Variants in FAM98A observed in about 807,000 individuals in gnomAD.
FAM98A encodes tRNA splicing ligase complex subunit 3A, also known as protein FAM98A.
Under a neutral mutation model 62.9 loss-of-function variants are expected in FAM98A, and 25 were observed. The observed-to-expected ratio is 0.40, with a 90% CI of 0.29 to 0.56. The LOEUF is 0.56. Ranked by LOEUF, FAM98A falls within the 20% of genes least tolerant of loss-of-function variation. FAM98A has a pLI of 0.51. For synonymous variants in FAM98A, 252 were observed against 228.6 expected, an observed-to-expected ratio of 1.10 and a Z score of -0.92; for missense variants, 653 against 640.7, an observed-to-expected ratio of 1.02 and a Z score of -0.21.
At chr2:33,586,359 G>C (rs1026081724) in intron 6 of FAM98A, among the ~76,000 whole-genome samples, 2 of 152,124 alleles carry the variant, frequency 1.3e-5, no homozygotes, top group African/African-American at 4.8e-5. Context: ...ATTCAGATTT[G>C]TTAAAAAATA....
At chr2:33,598,077 T>C (rs1328476165) in intron 1 of FAM98A, among the ~76,000 whole-genome samples, 1 of 152,214 alleles carries the variant, frequency 6.6e-6, no homozygotes, top group East Asian at 1.9e-4. Flanking sequence ...CAATAGTATT[T>C]CACTGTGACA....
intron 5 of FAM98A, 125 bp from the exon 6 acceptor site, chr2:33,586,803 T>C: frequency 1.6e-6 from 1 of 636,544 alleles, no homozygotes; most frequent in Non-Finnish European, 2.8e-6. Context: ...CAAAAGTTCT[T>C]ATTCCATATA....
At chr2:33,586,704 TA>T in intron 5 of FAM98A, 26 bp from the exon 6 acceptor site, 1 of 1,462,756 alleles carries the variant, frequency 6.8e-7, no homozygotes, top group Non-Finnish European at 9.6e-7. Context: ...AAAGACTAGT[TA>T]GAGTTTAAAT....
chr2:33,586,423 A>G, intron 6 of FAM98A, 139 bp downstream of exon 6: 1 of 563,358 alleles, frequency 1.8e-6, no homozygotes, highest in Non-Finnish European at 3.2e-6. Context: ...AAGAGCCACT[A>G]CTCAATAACT....
At chr2:33,597,267 G>C (rs1383402094) in intron 1 of FAM98A, among the ~76,000 whole-genome samples, 1 of 152,218 alleles carries the variant, frequency 6.6e-6, no homozygotes, top group African/African-American at 2.4e-5. Context: ...CCTGAAGTGG[G>C]AGGATCGCTT....
Position 33,592,202 on chromosome 2 carries a change from G to C in FAM98A, c.215C>G (p.Ala72Gly). 1.2e-6 allele frequency: 2 copies of C among 1,610,220 alleles called. No individual in the cohort carries two copies. Among genetic ancestry groups the C allele is most frequent in the Non-Finnish European group, 1.7e-6 (2 of 1,177,402 alleles). The stretch of plus-strand genomic sequence containing the variant: ...ACTCACCTCAAGCTGGAATTCTTCA[G>C]CTTCACTCGGACCTTTTAAGAATTA... ...NVQATNSPSE[A>G]EEFQLEVSGL... The change falls in exon 3 of 8, where the codon GCT becomes GGT. Residue 72 changes from alanine to glycine, a missense_variant. Physicochemically the swap from Ala to Gly is moderately conservative, Grantham distance 60 (BLOSUM62 0). Coordinates refer to ENST00000238823, the MANE Select transcript of FAM98A (RefSeq NM_015475.5).
At chr2:33,590,160 T>C (rs140797963) in intron 3 of FAM98A, among the ~76,000 whole-genome samples, 79 of 152,226 alleles carry the variant, frequency 5.2e-4, no homozygotes, top group Non-Finnish European at 1.0e-3. Flanking sequence ...AAATAAAAGA[T>C]GAATAGTTCT....
At chr2:33,586,521 G>T in intron 6 of FAM98A, 41 bp downstream of exon 6, 2 of 1,294,400 alleles carry the variant, frequency 1.5e-6, no homozygotes, top group Non-Finnish European at 1.1e-6. Context: ...CAGGGATCAT[G>T]TCTATAAATA....
intron 2 of FAM98A, 142 bp from the exon 3 acceptor site, chr2:33,592,356 A>T: frequency 1.5e-6 from 1 of 665,010 alleles, no homozygotes; most frequent in Non-Finnish European, 2.4e-6. Context: ...TTCTTACACC[A>T]CTGCAAAGTT....
intron 3 of FAM98A, 175 bp downstream of exon 3, chr2:33,591,905 A>C: frequency 2.0e-6 from 1 of 508,400 alleles, no homozygotes; most frequent in East Asian, 3.1e-5. Context: ...TAATGCTACC[A>C]GTGCACACGT....
chr2:33,593,742 A>G lies in FAM98A; in HGVS notation c.203-1528T>C, dbSNP rs558824159. ...TGATCTGTGAGCCCTTGAGTTCCAC[A>G]GAGCTCTTTTAGAGGCAGCTGGGAG... On this transcript the variant is annotated intron_variant, in intron 2 of 7. Coordinates refer to ENST00000238823, the MANE Select transcript of FAM98A (RefSeq NM_015475.5). 2.8e-4 allele frequency among the ~76,000 whole-genome samples: 43 copies of G among 152,332 alleles called. 1 individual carries two copies. In the Middle Eastern group the frequency reaches 0.014, roughly 48 times the overall value.
At chr2:33,588,200 A>T in intron 4 of FAM98A, 135 bp downstream of exon 4, 1 of 712,608 alleles carries the variant, frequency 1.4e-6, no homozygotes, top group Non-Finnish European at 2.4e-6. Flanking sequence ...AAAACCCAAA[A>T]CTCATTTCGT....
At chr2:33,590,272 T>C (rs557238435) in intron 3 of FAM98A, among the ~76,000 whole-genome samples, 18 of 152,304 alleles carry the variant, frequency 1.2e-4, no homozygotes, top group Admixed American at 2.0e-4. Flanking sequence ...CTTAATCTGA[T>C]ACATGAGAGC....
intron 3 of FAM98A, among the ~76,000 whole-genome samples, chr2:33,590,050 T>G (rs1267176503): frequency 6.6e-6 from 1 of 152,184 alleles, no homozygotes; most frequent in East Asian, 1.9e-4. Context: ...GTAATCAGTA[T>G]GTTCAAAGCA....
At position 33,598,070 on chromosome 2, in the gene FAM98A, T is replaced by C. The variant is rs73928931; in HGVS notation, c.53+1099A>G. On this transcript the variant is annotated intron_variant, in intron 1 of 7. Coordinates refer to ENST00000238823, the MANE Select transcript of FAM98A (RefSeq NM_015475.5). ...GAGCAAGTTTCCAAGAAAAGAACAA[T>C]AGTATTTCACTGTGACAAAGACAGA... Among the ~76,000 whole-genome samples the C allele has an allele frequency of 7.9e-4, 121 of 152,254 alleles. 1 individual carries two copies. Among genetic ancestry groups the C allele is most frequent in the African/African-American group, 2.8e-3 (116 of 41,528 alleles).
intron 1 of FAM98A, among the ~76,000 whole-genome samples, chr2:33,596,405 T>A (rs572837421): frequency 2.0e-5 from 3 of 152,268 alleles, no homozygotes; most frequent in Admixed American, 6.5e-5. Flanking sequence ...AATATAATTT[T>A]AAAAAATTTA....
At chr2:33,593,397 T>G (rs1158142520) in intron 2 of FAM98A, among the ~76,000 whole-genome samples, 6 of 152,120 alleles carry the variant, frequency 3.9e-5, no homozygotes, top group African/African-American at 4.8e-5. Flanking sequence ...GAGTGAGATC[T>G]TGTCTAAAAA....
At chr2:33,594,326 C>A (rs7561151) in intron 2 of FAM98A, among the ~76,000 whole-genome samples, 2 of 151,382 alleles carry the variant, frequency 1.3e-5, no homozygotes, top group Non-Finnish European at 2.9e-5. Flanking sequence ...AAAAAAAACA[C>A]CACATGTTCT....
chr2:33,597,291 C>T (rs1438176783), intron 1 of FAM98A, among the ~76,000 whole-genome samples: 7 of 151,894 alleles, frequency 4.6e-5, no homozygotes, highest in African/African-American at 1.2e-4. Context: ...GCTAGGAGTT[C>T]GAGACCAGCC....
Sources: allele counts gnomAD v4.1 joint callset (sites outside exome capture counted in the v4.1 genomes callset), GRCh38; gene constraint gnomAD v4.1.1; transcripts MANE v1.5; gene names NCBI Gene and HGNC (gene_info 2026-07-23, HGNC 2026-07-21).